Variants in C8orf34 observed in about 807,000 individuals in gnomAD.
C8orf34 encodes the protein uncharacterized protein C8orf34.
In C8orf34, 65 loss-of-function variants were observed where a neutral mutation model predicts 68.3. That is an observed-to-expected ratio of 0.95 (90% confidence interval 0.78 to 1.17). The LOEUF is 1.17. Among genes scored for constraint, C8orf34 ranks in the 50% most tolerant of loss-of-function variants. The pLI, the probability that C8orf34 is intolerant of heterozygous loss-of-function variation, is 0.00. For synonymous variants in C8orf34, 244 were observed against 241.2 expected (o/e 1.01, Z -0.11); for missense variants, 664 against 655.4 (o/e 1.01, Z -0.14).
chr8:68,496,125 T>C (rs1322808296), intron 5 of C8orf34, among the ~76,000 whole-genome samples: 2 of 152,214 alleles, frequency 1.3e-5, no homozygotes, highest in Non-Finnish European at 2.9e-5. Flanking sequence ...CTTTTTCCTC[T>C]TAAGAAATAG....
chr8:68,333,925 TG>T (rs1378775391), intron 1 of C8orf34, among the ~76,000 whole-genome samples: 1 of 152,238 alleles, frequency 6.6e-6, no homozygotes, highest in Non-Finnish European at 1.5e-5. Context: ...ATGTCCCCCT[TG>T]TGGATAGTTT....
At chr8:68,352,255 T>G (rs1806542265) in intron 1 of C8orf34, among the ~76,000 whole-genome samples, 1 of 152,052 alleles carries the variant, frequency 6.6e-6, no homozygotes, top group African/African-American at 2.4e-5. Flanking sequence ...TATATGTAAC[T>G]CTTTATTCAA....
chr8:68,726,925 G>T (rs1267004608), intron 10 of C8orf34, among the ~76,000 whole-genome samples: 1 of 152,068 alleles, frequency 6.6e-6, no homozygotes, highest in African/African-American at 2.4e-5. Context: ...TGAGGACACA[G>T]CCAAACCATA....
intron 6 of C8orf34, chr8:68,525,593 G>A: frequency 1.1e-6 from 1 of 884,662 alleles, no homozygotes; most frequent in South Asian, 1.3e-5. Context: ...GCCAGCTGAG[G>A]TTGTCAGTAC....
chr8:68,402,586 G>A (rs79818455), intron 1 of C8orf34, among the ~76,000 whole-genome samples: 4,929 of 152,066 alleles, frequency 0.032, 106 homozygotes, highest in Non-Finnish European at 0.048. Context: ...GTATTGCACG[G>A]CTTTTGTTAT....
intron 1 of C8orf34, among the ~76,000 whole-genome samples, chr8:68,356,536 A>G (rs1477599358): frequency 2.0e-5 from 3 of 152,168 alleles, no homozygotes; most frequent in African/African-American, 7.2e-5. Flanking sequence ...TCATTGTAAT[A>G]TTAGAAGCAA....
At chr8:68,526,135 A>G (rs1322569961) in intron 6 of C8orf34, among the ~76,000 whole-genome samples, 1 of 151,104 alleles carries the variant, frequency 6.6e-6, no homozygotes, top group Admixed American at 6.6e-5. Context: ...TTTCTTTTAA[A>G]TTTTTTGTAG....
chr8:68,797,952 A>T (rs933643093), intron 12 of C8orf34, among the ~76,000 whole-genome samples: 16 of 152,028 alleles, frequency 1.1e-4, no homozygotes, highest in African/African-American at 2.2e-4. Context: ...TAGAGAAAAG[A>T]CATAACACTC....
intron 1 of C8orf34, among the ~76,000 whole-genome samples, chr8:68,417,332 A>G (rs764149298): frequency 4.6e-5 from 7 of 152,074 alleles, no homozygotes; most frequent in Non-Finnish European, 8.8e-5. Context: ...CACATATGCA[A>G]AATGGACCAT....
intron 3 of C8orf34, among the ~76,000 whole-genome samples, chr8:68,467,955 A>C (rs1465928902): frequency 1.3e-5 from 2 of 151,936 alleles, no homozygotes; most frequent in East Asian, 3.9e-4. Context: ...CCTGTGCCCG[A>C]CATTTAATGG....
chr8:68,469,514 A>G (rs962447365), intron 4 of C8orf34, among the ~76,000 whole-genome samples: 37 of 152,112 alleles, frequency 2.4e-4, no homozygotes, highest in African/African-American at 8.4e-4. Flanking sequence ...TTGTAAGAGT[A>G]GGCAATAAAA....
rs564200491 is a variant in C8orf34, at chr8:68,456,877, G to A, written c.607+10417G>A. Among the ~76,000 whole-genome samples the A allele has an allele frequency of 6.6e-5, 10 of 152,292 alleles. No individual in the cohort carries two copies. In the East Asian group the frequency reaches 1.7e-3, roughly 26 times the overall value. On this transcript the variant is annotated intron_variant, in intron 3 of 13. Transcript: ENST00000518698. ...ATAAGCATGATTTGATGAAGGTTTT[G>A]CCTTGTAATATTAACTATTTCCACT...
At position 68,784,349 on chromosome 8, in the gene C8orf34, C is replaced by T. The variant is rs141931105; in HGVS notation, c.1456-3094C>T. On this transcript the variant is annotated intron_variant, in intron 11 of 13. Coordinates refer to ENST00000518698, the MANE Select transcript of C8orf34 (RefSeq NM_052958.4). ...CACAGAGGTAAAATTTAATTTTCAT[C>T]ACATCCTGTCAAGGGTACATCCTAT... Among the ~76,000 whole-genome samples the T allele has an allele frequency of 3.0e-3, 462 of 152,304 alleles. 3 individuals carry two copies. The highest frequency in any genetic ancestry group is 0.011 in the African/African-American group (448 of 41,556).
At chr8:68,732,200 T>G (rs531414303) in intron 10 of C8orf34, among the ~76,000 whole-genome samples, 1 of 152,332 alleles carries the variant, frequency 6.6e-6, no homozygotes, top group African/African-American at 2.4e-5. Context: ...CTTAATACAT[T>G]CCAGAGGAAG....
upstream of C8orf34, chr8:68,330,724 C>T (rs1287256197): frequency 5.8e-6 from 2 of 344,822 alleles, no homozygotes; most frequent in Non-Finnish European, 1.0e-5. Context: ...GGGCGAGCAG[C>T]CTCGGGGAGC....
intron 3 of C8orf34, among the ~76,000 whole-genome samples, chr8:68,452,560 T>C (rs557181623): frequency 2.6e-5 from 4 of 151,390 alleles, no homozygotes; most frequent in Non-Finnish European, 5.9e-5. Flanking sequence ...GCCATTTGAA[T>C]ATCTTCTCTG....
intron 1 of C8orf34, among the ~76,000 whole-genome samples, chr8:68,389,189 G>A (rs1396619091): frequency 6.6e-6 from 1 of 152,124 alleles, no homozygotes; most frequent in Non-Finnish European, 1.5e-5. Flanking sequence ...TCCTCATGGA[G>A]CCTGTTATAT....
At chr8:68,553,525 C>G (rs893619556) in intron 7 of C8orf34, among the ~76,000 whole-genome samples, 9 of 151,752 alleles carry the variant, frequency 5.9e-5, no homozygotes, top group African/African-American at 2.2e-4. Flanking sequence ...AATTGCGATT[C>G]AATCCCTTTG....
intron 7 of C8orf34, among the ~76,000 whole-genome samples, chr8:68,625,987 T>C (rs1174450803): frequency 1.3e-5 from 2 of 152,184 alleles, no homozygotes; most frequent in Admixed American, 1.3e-4. Flanking sequence ...TTTGCTTCAT[T>C]AAGAATGTTG....
Sources: gnomAD v4.1 joint callset for allele counts (sites outside exome capture counted in the v4.1 genomes callset) on GRCh38, gnomAD v4.1.1 for gene constraint, MANE v1.5 for transcripts, NCBI Gene and HGNC (gene_info 2026-07-23, HGNC 2026-07-21) for gene names.